The following CUL3 variants were observed in gnomAD, a reference collection of about 807,000 sequenced individuals.
CUL3 encodes the protein cullin 3.
CUL3 carries 19 observed loss-of-function variants against 89.1 expected under a neutral mutation model. That is an observed-to-expected ratio of 0.21 (90% confidence interval 0.15 to 0.31). The LOEUF (loss-of-function observed/expected upper bound fraction) is 0.31. CUL3 is among the 10% of genes least tolerant of loss of function. The pLI is 1.00. For missense variants in CUL3, 469 were observed against 942.3 expected (o/e 0.50, Z 6.58); for synonymous variants, 351 against 308.4 (o/e 1.14, Z -1.45).
intron 1 of CUL3, among the ~76,000 whole-genome samples, chr2:224,573,010 A>C (rs891877237): frequency 1.3e-5 from 2 of 152,252 alleles, no homozygotes; most frequent in Non-Finnish European, 2.9e-5. Context: ...GCCCTCAAAA[A>C]TTAAAATACT....
At chr2:224,512,429 G>C (rs575531610) in intron 5 of CUL3, among the ~76,000 whole-genome samples, 49 of 152,146 alleles carry the variant, frequency 3.2e-4, no homozygotes, top group Non-Finnish European at 5.4e-4. Context: ...CATCTGTTTT[G>C]GCAACACTAC....
chr2:224,530,726 G>A (rs1286585799), intron 3 of CUL3, among the ~76,000 whole-genome samples: 2 of 152,080 alleles, frequency 1.3e-5, no homozygotes, highest in Admixed American at 1.3e-4. Flanking sequence ...GGCCAACATG[G>A]CGAAACCCCA....
chr2:224,513,762 C>A, intron 4 of CUL3, 124 bp from the exon 5 acceptor site: 1 of 623,598 alleles, frequency 1.6e-6, no homozygotes, highest in Admixed American at 3.5e-5. Context: ...TGACCAATCT[C>A]CAATAGGCCA....
chr2:224,508,192 T>C (rs764445398), intron 6 of CUL3, among the ~76,000 whole-genome samples: 1 of 152,036 alleles, frequency 6.6e-6, no homozygotes, highest in Non-Finnish European at 1.5e-5. Flanking sequence ...CTAAGAGTAG[T>C]TTAGAGCTTA....
chr2:224,528,121 A>G (rs992822640), intron 3 of CUL3, among the ~76,000 whole-genome samples: 1 of 152,186 alleles, frequency 6.6e-6, no homozygotes, highest in Non-Finnish European at 1.5e-5. Flanking sequence ...TGTAAAAATT[A>G]CCACAAATTT....
At chr2:224,505,350 T>C (rs1474153225) in intron 8 of CUL3, among the ~76,000 whole-genome samples, 2 of 152,198 alleles carry the variant, frequency 1.3e-5, no homozygotes, top group Non-Finnish European at 2.9e-5. Flanking sequence ...TTGGTCAGGC[T>C]GGTCTCAAAC....
chr2:224,541,278 A>T (rs1300421204), intron 2 of CUL3, among the ~76,000 whole-genome samples: 1 of 152,196 alleles, frequency 6.6e-6, no homozygotes, highest in African/African-American at 2.4e-5. Flanking sequence ...AAATGAGCAA[A>T]AGACTTGAAC....
At chr2:224,584,832 G>A (rs1695540441) in intron 1 of CUL3, 112 bp downstream of exon 1, 2 of 647,490 alleles carry the variant, frequency 3.1e-6, no homozygotes, top group Admixed American at 1.1e-4. Flanking sequence ...GGCGGGCGTG[G>A]GGGAGGGGAG....
At chr2:224,541,593 A>AT (rs1444619879) in intron 2 of CUL3, among the ~76,000 whole-genome samples, 2 of 152,206 alleles carry the variant, frequency 1.3e-5, no homozygotes, top group Non-Finnish European at 2.9e-5. Context: ...GAAAACTTAC[A>AT]TTCACACAAA....
At chr2:224,582,133 T>C (rs937165891) in intron 1 of CUL3, among the ~76,000 whole-genome samples, 1 of 151,968 alleles carries the variant, frequency 6.6e-6, no homozygotes, top group Non-Finnish European at 1.5e-5. Flanking sequence ...CCCCGCTAAT[T>C]TTTTGTATTT....
exon 1 of CUL3, chr2:224,585,358 GTCCTCCTCC>G: frequency 2.5e-6 from 1 of 400,498 alleles, no homozygotes; most frequent in Middle Eastern, 6.2e-4. Flanking sequence ...GCCGAACGTC[GTCCTCCTCC>G]TCCTCCTTCT....
chr2:224,489,003 G>GA (rs1157835893), intron 13 of CUL3, among the ~76,000 whole-genome samples: 9 of 152,064 alleles, frequency 5.9e-5, no homozygotes, highest in African/African-American at 2.2e-4. Flanking sequence ...CAAAACCAAT[G>GA]AAAAAACCAC....
intron 2 of CUL3, among the ~76,000 whole-genome samples, chr2:224,549,661 G>A (rs1007420485): frequency 6.6e-6 from 1 of 152,162 alleles, no homozygotes; most frequent in African/African-American, 2.4e-5. Context: ...GGAGTTAGAA[G>A]AAGAAAAGGC....
chr2:224,491,094 T>C (rs188926274), intron 13 of CUL3, among the ~76,000 whole-genome samples: 156 of 152,338 alleles, frequency 1.0e-3, no homozygotes, highest in African/African-American at 3.6e-3. Context: ...TTTTCAAAAG[T>C]AGTTTTGCCT....
intron 1 of CUL3, among the ~76,000 whole-genome samples, chr2:224,559,538 C>T (rs1378880945): frequency 6.6e-6 from 1 of 151,454 alleles, no homozygotes; most frequent in African/African-American, 2.4e-5. Flanking sequence ...ACCATCTAAT[C>T]TCTCTTTCCA....
rs1692878470 is a variant in CUL3 at position 224,512,704 on chromosome 2, A to G, written c.654+820T>C. 1.3e-5 allele frequency among the ~76,000 whole-genome samples: 2 copies of G among 152,180 alleles called. 1 individual carries two copies. Among genetic ancestry groups the G allele is most frequent in the South Asian group, 4.1e-4 (2 of 4,828 alleles). On this transcript the variant is annotated intron_variant, in intron 5 of 15. Coordinates refer to ENST00000264414, the MANE Select transcript of CUL3 (RefSeq NM_003590.5). Reference sequence around the variant, plus strand: ...GCAAATATGCACTACAGAATCATCCATATCCTTATGTGTGTTTTACTAGTA... The same window carrying G: ...GCAAATATGCACTACAGAATCATCCGTATCCTTATGTGTGTTTTACTAGTA...
intron 3 of CUL3, among the ~76,000 whole-genome samples, chr2:224,522,822 C>T (rs532212545): frequency 3.4e-4 from 35 of 104,348 alleles, no homozygotes; most frequent in African/African-American, 1.3e-3. Flanking sequence ...CGTGAGACAC[C>T]GTCTCAAAAA....
chr2:224,585,074 G>A lies in CUL3; in HGVS notation c.-65C>T. 3 of 1,356,212 alleles carry A rather than the reference G, an allele frequency of 2.2e-6. No homozygotes were observed. Among genetic ancestry groups the A allele is most frequent in the Non-Finnish European group, 3.0e-6 (3 of 1,013,470 alleles). The allele number at this position is 1,356,212 out of a possible 1,614,324, so 84.0% of individuals were successfully genotyped here. On this transcript the variant is annotated 5_prime_UTR_variant, in exon 1 of 16. Transcript: ENST00000264414. ...TCCGCGACGCCGGTGTCACATTTAA[G>A]GCGGGCAGGCAGGCTAGGGGCGACG... is the stretch of plus-strand genomic sequence containing the variant.
chr2:224,493,584 T>G (rs1692063067), intron 13 of CUL3, among the ~76,000 whole-genome samples: 1 of 152,224 alleles, frequency 6.6e-6, no homozygotes, highest in Non-Finnish European at 1.5e-5. Context: ...TAACTGCTTA[T>G]TAGCATCAAT....
Sources: gnomAD v4.1 joint callset for allele counts (sites outside exome capture counted in the v4.1 genomes callset) on GRCh38, gnomAD v4.1.1 for gene constraint, MANE v1.5 for transcripts, NCBI Gene and HGNC (gene_info 2026-07-23, HGNC 2026-07-21) for gene names.